The following TTI1 variants were observed in gnomAD, a reference collection of about 807,000 sequenced individuals.
TTI1 encodes TELO2-interacting protein 1 homolog.
TTI1 carries 52 observed loss-of-function variants against 85.4 expected under a neutral mutation model. That is an observed-to-expected ratio of 0.61 (90% CI 0.49 to 0.77). The LOEUF is 0.77. Ranked by LOEUF, TTI1 falls within the 30% of genes least tolerant of loss-of-function variation. The probability of loss-of-function intolerance (pLI) is 0.00; values close to 1 mark genes in which losing one functional copy is unlikely to be tolerated. For missense variants in TTI1, 1,173 were observed against 1,296.0 expected (o/e 0.91, Z 1.46); for synonymous variants, 512 against 503.9 (o/e 1.02, Z -0.22).
At chr20:38,016,377 G>A (rs1042057594) in intron 1 of TTI1, among the ~76,000 whole-genome samples, 8 of 152,178 alleles carry the variant, frequency 5.3e-5, no homozygotes, top group Non-Finnish European at 8.8e-5. Flanking sequence ...ATGGCCTAGG[G>A]CTCTCTCTCT....
At position 38,024,033 on chromosome 20, in the gene TTI1, G is replaced by C. The variant is rs146345301; in HGVS notation, c.-42+9371C>G. ...CTTATAGAAAATATGTGAAGCTGTGGCTTGTATTACACTAATACTATGTGC... is the reference window on the plus strand; with the variant it reads ...CTTATAGAAAATATGTGAAGCTGTGCCTTGTATTACACTAATACTATGTGC... On this transcript the variant is annotated intron_variant, in intron 1 of 7. Coordinates refer to ENST00000373447, the MANE Select transcript of TTI1 (RefSeq NM_001303457.2). Among the ~76,000 whole-genome samples the C allele has an allele frequency of 6.9e-3, 1,054 of 152,224 alleles. 5 individuals carry two copies. The highest frequency in any genetic ancestry group is 0.02 in the African/African-American group (837 of 41,518).
chr20:38,008,350 C>G (rs1434486981), intron 2 of TTI1, among the ~76,000 whole-genome samples: 4 of 151,918 alleles, frequency 2.6e-5, no homozygotes, highest in African/African-American at 9.7e-5. Context: ...TTTGTGGTGG[C>G]CAAAGACTGG....
chr20:38,008,242 G>A (rs536513202), intron 2 of TTI1, among the ~76,000 whole-genome samples: 18 of 152,154 alleles, frequency 1.2e-4, no homozygotes, highest in African/African-American at 4.3e-4. Flanking sequence ...AAATTTAAAC[G>A]TAATACCCTT....
intron 6 of TTI1, 21 bp from the exon 7 acceptor site, chr20:37,996,483 AC>A (rs1457412574): frequency 1.2e-6 from 2 of 1,611,700 alleles, no homozygotes; most frequent in Non-Finnish European, 1.7e-6. Context: ...GAAAAACAAA[AC>A]AAGCATCAGC....
intron 7 of TTI1, among the ~76,000 whole-genome samples, chr20:37,990,638 C>T (rs1168745094): frequency 6.6e-6 from 1 of 152,160 alleles, no homozygotes; most frequent in Non-Finnish European, 1.5e-5. Flanking sequence ...AGTACTGAGA[C>T]AACATTTACT....
At position 37,985,690 on chromosome 20, in the gene TTI1, G is replaced by C. The variant is rs1009494693; in HGVS notation, c.3087-2051C>G. ...TTACAGGCATCCATCACCATGCCCG[G>C]CTAATTTTTGTATTTTTAGTAGAGA... On this transcript the variant is annotated intron_variant, in intron 7 of 7. Coordinates refer to ENST00000373447, the MANE Select transcript of TTI1 (RefSeq NM_001303457.2). 2.6e-4 allele frequency among the ~76,000 whole-genome samples: 40 copies of C among 152,126 alleles called. 1 individual carries two copies. The highest frequency in any genetic ancestry group is 2.4e-3 in the Admixed American group (36 of 15,280).
At chr20:37,998,361 A>G (rs1357927815) in intron 5 of TTI1, among the ~76,000 whole-genome samples, 2 of 152,212 alleles carry the variant, frequency 1.3e-5, no homozygotes, top group Non-Finnish European at 2.9e-5. Context: ...AATTTACAGA[A>G]GATCAAACTA....
At position 38,011,697 on chromosome 20, in the gene TTI1, C is replaced by T. The variant is rs141770247; in HGVS notation, c.2120G>A (p.Arg707His). The change falls in exon 2 of 8, where the codon CGT (arginine) becomes CAT (histidine). Residue 707 changes from arginine to histidine, a missense_variant. Arg to His is a conservative substitution (Grantham distance 29). Transcript: ENST00000373447. Reference sequence around the variant, plus strand: ...GGTATGAGGATGCAGAGCCAGATGACGCAGATTTAAAGAGATCCCATTCAC... The same window carrying T: ...GGTATGAGGATGCAGAGCCAGATGATGCAGATTTAAAGAGATCCCATTCAC... ...YLVNGISLNL[R>H]HLALHPHTPK... The T allele has an allele frequency of 8.9e-5, 144 of 1,614,172 alleles. No individual in the cohort carries two copies. Among genetic ancestry groups the T allele is most frequent in the Non-Finnish European group, 1.1e-4 (126 of 1,180,040 alleles).
At position 37,996,785 on chromosome 20, in the gene TTI1, G is replaced by C. The variant is rs2073347256; in HGVS notation, c.2962C>G (p.Gln988Glu). 6.2e-7 allele frequency: 1 copy of C among 1,613,706 alleles called. No individual in the cohort carries two copies. The change falls in exon 6 of 8, where the codon CAG (glutamine) becomes GAG (glutamate). Residue 988 changes from glutamine (Q) to glutamate (E), a missense_variant. Coordinates refer to ENST00000373447, the MANE Select transcript of TTI1 (RefSeq NM_001303457.2). ...CTCTCACAGAGGGGGCCCAGGCCCTGTAAGACAGCCAGCTGCAACTTGAAG... is the reference window on the plus strand; with the variant it reads ...CTCTCACAGAGGGGGCCCAGGCCCTCTAAGACAGCCAGCTGCAACTTGAAG... Reference protein sequence around the residue: ...LAFKLQLAVLQGLGPLCERLD... With the variant: ...LAFKLQLAVLEGLGPLCERLD...
chr20:38,007,062 A>T (rs146247254), intron 2 of TTI1, among the ~76,000 whole-genome samples: 122 of 152,346 alleles, frequency 8.0e-4, no homozygotes, highest in African/African-American at 2.7e-3. Flanking sequence ...TTTTTCCAGG[A>T]TTTCATCCTA....
chr20:38,003,411 C>T (rs1375476979), intron 3 of TTI1, among the ~76,000 whole-genome samples: 1 of 152,170 alleles, frequency 6.6e-6, no homozygotes, highest in African/African-American at 2.4e-5. Flanking sequence ...TTAAAAGTGA[C>T]AGGGTAATGA....
In TTI1 at chr20:37,995,008, A is replaced by G. The variant is rs150094125; in HGVS notation, c.3086+1367T>C. On this transcript the variant is annotated intron_variant, in intron 7 of 7. Transcript: ENST00000373447. ...AATCAGACCTTTAACTCTTGGTTGT[A>G]ATAGGCATCTAAAAGGATTTACTTC... Among the ~76,000 whole-genome samples the G allele has an allele frequency of 4.6e-5, 7 of 152,326 alleles. No individual in the cohort carries two copies. In the East Asian group the frequency reaches 1.4e-3, roughly 29 times the overall value.
chr20:38,028,382 T>C (rs2122654300), intron 1 of TTI1, among the ~76,000 whole-genome samples: 1 of 152,266 alleles, frequency 6.6e-6, no homozygotes, highest in African/African-American at 2.4e-5. Context: ...GTAGCTATAT[T>C]AGCACCAGAT....
intron 1 of TTI1, among the ~76,000 whole-genome samples, chr20:38,032,716 T>G (rs1229924901): frequency 6.6e-6 from 1 of 152,306 alleles, no homozygotes; most frequent in Admixed American, 6.5e-5. Flanking sequence ...GAACTGCAGG[T>G]GAGCGTCACC....
In TTI1 at chr20:38,013,783, C is replaced by T; in HGVS notation, c.34G>A (p.Gly12Ser). The T allele has an allele frequency of 6.2e-7, 1 of 1,613,840 alleles. No homozygotes were observed. The highest frequency in any genetic ancestry group is 8.5e-7 in the Non-Finnish European group (1 of 1,179,998). ...TGAACACAGACTGGACGTAAGACAC[C>T]AAAGGCCTCCTCAGGAGTATCAAAA... is the stretch of plus-strand genomic sequence containing the variant. ...AVFDTPEEAF[G>S]VLRPVCVQLT... The change falls in exon 2 of 8, where the codon GGT (glycine) becomes AGT (serine). Residue 12 changes from glycine (G) to serine (S), a missense_variant. Coordinates refer to ENST00000373447, the MANE Select transcript of TTI1 (RefSeq NM_001303457.2).
chr20:37,995,533 C>A (rs1439203805), intron 7 of TTI1, among the ~76,000 whole-genome samples: 1 of 152,254 alleles, frequency 6.6e-6, no homozygotes, highest in Non-Finnish European at 1.5e-5. Context: ...CAGAGCGGCA[C>A]AGAGTGCCAG....
chr20:37,987,512 C>A (rs565068912), intron 7 of TTI1: 4 of 372,742 alleles, frequency 1.1e-5, no homozygotes, highest in Non-Finnish European at 2.1e-5. Context: ...TCTCCTCCCC[C>A]CAGGCCCAAA....
At chr20:37,995,938 C>T (rs1051711239) in intron 7 of TTI1, among the ~76,000 whole-genome samples, 26 of 152,182 alleles carry the variant, frequency 1.7e-4, no homozygotes, top group Admixed American at 1.6e-3. Context: ...TTTTGCTTTG[C>T]ACTTGTGAGG....
At chr20:37,987,148 G>A (rs1042692768) in intron 7 of TTI1, 4 of 456,598 alleles carry the variant, frequency 8.8e-6, no homozygotes, top group Non-Finnish European at 1.8e-5. Flanking sequence ...CTGAGCCTGA[G>A]GCCCAGGAGG....
Sources: gnomAD v4.1 joint callset for allele counts (sites outside exome capture counted in the v4.1 genomes callset) on GRCh38, gnomAD v4.1.1 for gene constraint, MANE v1.5 for transcripts, NCBI Gene and HGNC (gene_info 2026-07-23, HGNC 2026-07-21) for gene names.